Variants in RBFOX1 observed in about 807,000 individuals in gnomAD.
RBFOX1 encodes the protein RNA binding fox-1 homolog 1, also known as RNA binding protein fox-1 homolog 1.
RBFOX1 carries 8 observed loss-of-function variants against 57.7 expected under a neutral mutation model. The observed-to-expected ratio is 0.14, with a 90% CI of 0.08 to 0.25. The LOEUF (loss-of-function observed/expected upper bound fraction) is 0.25. Among genes scored for constraint, RBFOX1 ranks in the 10% least tolerant of loss-of-function variants. The pLI, the probability that RBFOX1 is intolerant of heterozygous loss-of-function variation, is 1.00. For missense variants in RBFOX1, 611 were observed against 548.5 expected, an observed-to-expected ratio of 1.11 and a Z score of -1.14; for synonymous variants, 326 against 222.4, an observed-to-expected ratio of 1.47 and a Z score of -4.15.
intron 4 of RBFOX1, among the ~76,000 whole-genome samples, chr16:7,216,313 C>G (rs918259019): frequency 6.8e-6 from 1 of 146,178 alleles, no homozygotes; most frequent in African/African-American, 2.5e-5. Context: ...AGTCTTTTGA[C>G]TTGTCTAAGC....
intron 4 of RBFOX1, among the ~76,000 whole-genome samples, chr16:6,007,156 C>T (rs991732253): frequency 6.6e-6 from 1 of 152,350 alleles, no homozygotes; most frequent in East Asian, 1.9e-4. Context: ...TATCTGCAGT[C>T]TGTGTAATCT....
At chr16:5,789,501 A>T (rs1334227196) in intron 3 of RBFOX1, among the ~76,000 whole-genome samples, 1 of 152,092 alleles carries the variant, frequency 6.6e-6, no homozygotes, top group Non-Finnish European at 1.5e-5. Flanking sequence ...AAGTTTTAAG[A>T]TGTTACTATA....
At chr16:6,662,132 CG>C (rs1422891543) in intron 3 of RBFOX1, among the ~76,000 whole-genome samples, 7 of 42,348 alleles carry the variant, frequency 1.7e-4, no homozygotes, top group African/African-American at 2.5e-4. Context: ...GGGCTGGGGG[CG>C]GGGTGAAAAA....
intron 3 of RBFOX1, among the ~76,000 whole-genome samples, chr16:6,715,695 G>T (rs754567745): frequency 2.6e-5 from 4 of 152,150 alleles, no homozygotes; most frequent in Non-Finnish European, 5.9e-5. Flanking sequence ...AGCCCACCTG[G>T]CCCAGAAATG....
intron 2 of RBFOX1, among the ~76,000 whole-genome samples, chr16:6,653,552 C>G (rs188169578): frequency 1.3e-5 from 2 of 151,372 alleles, no homozygotes; most frequent in African/African-American, 4.9e-5. Context: ...ACCAGGACAA[C>G]AAGAAAATAG....
intron 2 of RBFOX1, among the ~76,000 whole-genome samples, chr16:6,652,051 A>C (rs927089933): frequency 6.6e-6 from 1 of 152,206 alleles, no homozygotes; most frequent in Non-Finnish European, 1.5e-5. Flanking sequence ...TGAAGTCGTA[A>C]CTTCCAATGT....
At chr16:6,953,840 C>G (rs952624479) in intron 3 of RBFOX1, among the ~76,000 whole-genome samples, 2 of 152,140 alleles carry the variant, frequency 1.3e-5, no homozygotes, top group African/African-American at 4.8e-5. Context: ...CTCTTGGATA[C>G]CTGACTTGAA....
chr16:6,783,324 T>C (rs1035567766), intron 3 of RBFOX1, among the ~76,000 whole-genome samples: 2 of 151,704 alleles, frequency 1.3e-5, no homozygotes, highest in Admixed American at 6.6e-5. Context: ...TCCTTTTTTT[T>C]TTTCTTCTTG....
chr16:5,736,102 T>A (rs1172116841), intron 3 of RBFOX1, among the ~76,000 whole-genome samples: 1 of 152,056 alleles, frequency 6.6e-6, no homozygotes, highest in African/African-American at 2.4e-5. Context: ...TTTCCTTCTT[T>A]ACTGGCTGCG....
chr16:7,045,266 A>G (rs1262350767), intron 3 of RBFOX1, among the ~76,000 whole-genome samples: 1 of 152,186 alleles, frequency 6.6e-6, no homozygotes, highest in African/African-American at 2.4e-5. Context: ...ATGAAATGGA[A>G]CAGGTGCATG....
At chr16:7,073,229 T>A (rs1842060) in intron 4 of RBFOX1, among the ~76,000 whole-genome samples, 105,413 of 152,090 alleles carry the variant, frequency 0.69, 37,540 homozygotes, top group East Asian at 0.91. Context: ...TGATTAAAAC[T>A]TAATAATATG....
chr16:6,568,287 G>C (rs988501005), intron 2 of RBFOX1, among the ~76,000 whole-genome samples: 1 of 152,202 alleles, frequency 6.6e-6, no homozygotes, highest in Admixed American at 6.5e-5. Context: ...GTCAGTGACA[G>C]TTGGAAGTAC....
chr16:5,373,373 A>T (rs372932748), intron 1 of RBFOX1, among the ~76,000 whole-genome samples: 3 of 152,098 alleles, frequency 2.0e-5, no homozygotes, highest in East Asian at 3.9e-4. Flanking sequence ...GGATCATGGG[A>T]TTTCCCTGGT....
chr16:6,440,080 G>T (rs1323008299), intron 2 of RBFOX1, among the ~76,000 whole-genome samples: 1 of 151,826 alleles, frequency 6.6e-6, no homozygotes, highest in East Asian at 1.9e-4. Context: ...GGGACTACAG[G>T]CATGCACCAC....
chr16:7,647,121 T>C (rs1364677084), intron 11 of RBFOX1, among the ~76,000 whole-genome samples: 1 of 152,100 alleles, frequency 6.6e-6, no homozygotes, highest in Admixed American at 6.5e-5. Context: ...TTTCATCGAG[T>C]TCCATGGGAC....
chr16:7,162,239 C>G (rs1008884199), intron 4 of RBFOX1, among the ~76,000 whole-genome samples: 2 of 152,092 alleles, frequency 1.3e-5, no homozygotes, highest in Non-Finnish European at 2.9e-5. Context: ...ATTTATCTGT[C>G]CACTCATCCA....
At chr16:5,918,169 G>T (rs2058749117) in intron 4 of RBFOX1, among the ~76,000 whole-genome samples, 1 of 152,104 alleles carries the variant, frequency 6.6e-6, no homozygotes. Context: ...GCCCAGGTTG[G>T]AATGCAGTGG....
At chr16:5,612,468 T>C (rs2047859596) in intron 3 of RBFOX1, among the ~76,000 whole-genome samples, 1 of 152,154 alleles carries the variant, frequency 6.6e-6, no homozygotes, top group African/African-American at 2.4e-5. Flanking sequence ...GAGACAGAGA[T>C]TGAGCAGATA....
chr16:6,904,140 A>G (rs1366987728), intron 3 of RBFOX1, among the ~76,000 whole-genome samples: 1 of 152,182 alleles, frequency 6.6e-6, no homozygotes, highest in Non-Finnish European at 1.5e-5. Flanking sequence ...TTCTCAGATC[A>G]TTTTTAAAGG....
Sources: gnomAD v4.1 joint callset for allele counts (sites outside exome capture counted in the v4.1 genomes callset) on GRCh38, gnomAD v4.1.1 for gene constraint, MANE v1.5 for transcripts, NCBI Gene and HGNC (gene_info 2026-07-23, HGNC 2026-07-21) for gene names.